The following TRANK1 variants were observed in gnomAD, a reference collection of about 807,000 sequenced individuals.
The protein encoded by TRANK1 is TPR and ankyrin repeat-containing protein 1.
In TRANK1, 198 loss-of-function variants were observed where a neutral mutation model predicts 266.0. The ratio of observed to expected loss-of-function variants is 0.74; its 90% CI spans 0.66 to 0.84. The LOEUF (loss-of-function observed/expected upper bound fraction) is 0.84. Ranked by LOEUF, TRANK1 falls within the 40% of genes least tolerant of loss-of-function variation. TRANK1 has a pLI of 0.00. For missense variants in TRANK1, 3,326 were observed against 3,634.6 expected (o/e 0.92, Z 2.18); for synonymous variants, 1,396 against 1,384.1 (o/e 1.01, Z -0.19).
At chr3:36,843,450 C>T (rs530357426) in intron 17 of TRANK1, among the ~76,000 whole-genome samples, 7 of 152,288 alleles carry the variant, frequency 4.6e-5, no homozygotes, top group Admixed American at 4.6e-4. Flanking sequence ...AATGTGCAAA[C>T]TTTGCCCTCA....
In TRANK1 at chr3:36,831,089, C is replaced by T. The variant is rs776684821; in HGVS notation, c.8494G>A (p.Val2832Met). ...IHLEHHQRQQ[V>M]AYQKYSEFFH... is the part of the protein sequence containing the mutation. ...AATTCTGAGTATTTCTGGTAGGCCACTTGCTGCCTCTGGTGGTGTTCTAGA... is the reference window on the plus strand; with the variant it reads ...AATTCTGAGTATTTCTGGTAGGCCATTTGCTGCCTCTGGTGGTGTTCTAGA... The change falls in exon 22 of 24, where the codon GTG becomes ATG. Residue 2832 changes from valine to methionine, a missense_variant. Physicochemically the swap from Val to Met is conservative, Grantham distance 21. Coordinates refer to ENST00000645898, the MANE Select transcript of TRANK1 (RefSeq NM_001329998.2). This position sits in a 1 kb window ranked among gnomAD's most constrained non-coding sequence, Gnocchi z 5.0. 2.5e-6 allele frequency: 4 copies of T among 1,613,884 alleles called. No homozygotes were observed. Among genetic ancestry groups the T allele is most frequent in the East Asian group, 2.2e-5 (1 of 44,886 alleles).
chr3:36,919,595 T>A (rs1291618330), intron 1 of TRANK1, among the ~76,000 whole-genome samples: 3 of 152,256 alleles, frequency 2.0e-5, no homozygotes, highest in Non-Finnish European at 4.4e-5. Context: ...ATCCTGTATA[T>A]GTCTTTCAGT....
At position 36,830,977 on chromosome 3, in the gene TRANK1, A is replaced by G. The variant is rs1367685255; in HGVS notation, c.8606T>C (p.Val2869Ala). ...IEQSVWIHSH[V>A]GSKEHSHMLQ... The stretch of plus-strand genomic sequence containing the variant: ...CATGTGGCTGTGCTCCTTGGAGCCC[A>G]CGTGACTGTGGATCCATACACTTTG... The change falls in exon 22 of 24, where the codon GTG becomes GCG. Residue 2869 changes from valine to alanine, a missense_variant. By Grantham distance (64) the Val-to-Ala change is moderately conservative (BLOSUM62 0). Coordinates refer to ENST00000645898, the MANE Select transcript of TRANK1 (RefSeq NM_001329998.2). 4 of 1,613,880 alleles carry G rather than the reference A, an allele frequency of 2.5e-6. 1 individual carries two copies. In the Admixed American group the frequency reaches 6.7e-5, roughly 27 times the overall value.
intron 1 of TRANK1, among the ~76,000 whole-genome samples, chr3:36,927,871 T>C (rs2080309739): frequency 1.3e-5 from 2 of 152,340 alleles, no homozygotes; most frequent in East Asian, 1.9e-4. Context: ...GTTGGGTATG[T>C]CCATGCTCCA....
chr3:36,908,752 G>A (rs1337248857), intron 1 of TRANK1, among the ~76,000 whole-genome samples: 9 of 152,226 alleles, frequency 5.9e-5, no homozygotes, highest in Admixed American at 5.2e-4. Flanking sequence ...CTGGCAGGTA[G>A]TGAGTGCTAT....
At chr3:36,861,243 T>G in intron 10 of TRANK1, 83 bp from the exon 11 acceptor site, 3 of 1,437,036 alleles carry the variant, frequency 2.1e-6, no homozygotes, top group Non-Finnish European at 2.8e-6. Flanking sequence ...AACATCCATA[T>G]ATAATTAACA....
chr3:36,851,730 T>C lies in TRANK1; in HGVS notation c.4876A>G (p.Thr1626Ala), dbSNP rs746554474. 3.1e-6 allele frequency: 5 copies of C among 1,611,916 alleles called. No homozygotes were observed. The highest frequency in any genetic ancestry group is 4.2e-6 in the Non-Finnish European group (5 of 1,179,324). ...FDDVLLYNFF[T>A]DSEAYKEWKI... is the part of the protein sequence containing the mutation. ...TAGGTGTGACATACCTCAGAATCAG[T>C]AAAAAAGTTGTAAAGGAGGACATCA... The change falls in exon 15 of 24, where the codon ACT becomes GCT. Residue 1626 changes from threonine (T) to alanine (A), a missense_variant. Thr to Ala is a moderately conservative substitution (Grantham distance 58). Coordinates refer to ENST00000645898, the MANE Select transcript of TRANK1 (RefSeq NM_001329998.2).
intron 15 of TRANK1, 174 bp downstream of exon 15, chr3:36,851,545 G>T: frequency 8.2e-7 from 1 of 1,213,236 alleles, no homozygotes; most frequent in Non-Finnish European, 1.1e-6. Flanking sequence ...CACAGCTAAT[G>T]TCAAAACCCA....
intron 3 of TRANK1, among the ~76,000 whole-genome samples, chr3:36,902,380 G>A (rs2079896246): frequency 6.6e-6 from 1 of 152,182 alleles, no homozygotes. Context: ...CACATTATGT[G>A]TTGCTTCAGA....
chr3:36,834,681 G>C (rs986964601), intron 21 of TRANK1, 81 bp downstream of exon 21: 37 of 1,505,524 alleles, frequency 2.5e-5, no homozygotes, highest in Non-Finnish European at 3.3e-5. Flanking sequence ...GAAGCAGCAG[G>C]ATAGCACCAC....
chr3:36,903,234 G>A lies in TRANK1; in HGVS notation c.197C>T (p.Ser66Leu). Residue 66 changes from serine to leucine, a missense_variant, in exon 3 of 24, where the codon TCA becomes TTA. By Grantham distance (145) the Ser-to-Leu change is moderately radical (BLOSUM62 -2). Transcript: ENST00000645898. ...RDLAVLLCNK[S>L]NAFFSLGKWN... ...CTTCCCAAGGCTGAAAAATGCATTTGATTTGTTGCACAGCAGCACAGCCAA... is the reference window on the plus strand; with the variant it reads ...CTTCCCAAGGCTGAAAAATGCATTTAATTTGTTGCACAGCAGCACAGCCAA... The A allele has an allele frequency of 6.5e-7, 1 of 1,537,318 alleles. No individual in the cohort carries two copies. The highest frequency in any genetic ancestry group is 8.7e-7 in the Non-Finnish European group (1 of 1,146,938).
chr3:36,875,387 G>C (rs1015790578), intron 8 of TRANK1, among the ~76,000 whole-genome samples: 2 of 152,186 alleles, frequency 1.3e-5, no homozygotes, highest in African/African-American at 4.8e-5. Context: ...GTCAAGAGCA[G>C]CCTCTGGCTA....
intron 17 of TRANK1, 130 bp from the exon 18 acceptor site, chr3:36,842,840 T>G: frequency 5.1e-6 from 4 of 784,170 alleles, no homozygotes; most frequent in Non-Finnish European, 6.4e-6. Flanking sequence ...TCCCGGTACC[T>G]CAGAATGTGG....
In TRANK1 at chr3:36,851,015, A is replaced by T. The variant is rs913082121; in HGVS notation, c.4887+704T>A. ...CAAAAGATAGTGGGAAAGAGAAAAC[A>T]GTGGCTAGAAAACCCAGGACAACGG... On this transcript the variant is annotated intron_variant, in intron 15 of 23. Coordinates refer to ENST00000645898, the MANE Select transcript of TRANK1 (RefSeq NM_001329998.2). The T allele has an allele frequency of 4.1e-6, 4 of 985,478 alleles. No individual in the cohort carries two copies. In the East Asian group the frequency reaches 4.5e-4, roughly 112 times the overall value. The allele number at this position is 985,478 out of a possible 1,614,324, so 61.0% of individuals were successfully genotyped here. A position where few individuals can be genotyped will look rare whatever the true frequency, so the allele number is the denominator to read the frequency against.
At chr3:36,898,007 C>A (rs1406347688) in intron 4 of TRANK1, among the ~76,000 whole-genome samples, 1 of 152,194 alleles carries the variant, frequency 6.6e-6, no homozygotes. Flanking sequence ...CACTTGGGTC[C>A]TCCGCTGATT....
At chr3:36,876,358 G>A (rs1394828834) in intron 8 of TRANK1, among the ~76,000 whole-genome samples, 6 of 152,222 alleles carry the variant, frequency 3.9e-5, no homozygotes, top group Admixed American at 2.6e-4. Context: ...CTCTTCCAGA[G>A]GCTAAATCCT....
rs955594737 is a variant in TRANK1 at position 36,830,804 on chromosome 3, T to C, written c.8710+69A>G. On this transcript the variant is annotated intron_variant, in intron 22 of 23. Coordinates refer to ENST00000645898, the MANE Select transcript of TRANK1 (RefSeq NM_001329998.2). ...AAGTCAGAAGCCACGACAAGGAATT[T>C]AACCCTGAGAAATGTCCTCAGAGCC... 18 of 1,484,790 alleles carry C rather than the reference T, an allele frequency of 1.2e-5. No individual in the cohort carries two copies. The African/African-American group carries it at 2.3e-4, about 19-fold the overall frequency. 92.0% of individuals were successfully genotyped at this position (1,484,790 alleles called of 1,614,324 possible).
At chr3:36,908,834 G>A (rs1218324397) in intron 1 of TRANK1, among the ~76,000 whole-genome samples, 2 of 152,168 alleles carry the variant, frequency 1.3e-5, no homozygotes, top group African/African-American at 4.8e-5. Flanking sequence ...TGTCCCCACT[G>A]TTCAGATGAG....
intron 9 of TRANK1, among the ~76,000 whole-genome samples, chr3:36,870,413 A>C (rs2079289588): frequency 7.5e-6 from 1 of 133,102 alleles, no homozygotes; most frequent in Non-Finnish European, 1.6e-5. Context: ...GTTTCAAAAA[A>C]AAAAAAAAGA....
Sources: gnomAD v4.1 joint callset for allele counts (sites outside exome capture counted in the v4.1 genomes callset) on GRCh38, gnomAD v4.1.1 for gene constraint, Gnocchi (gnomAD v3.1) non-coding constraint, MANE v1.5 for transcripts, NCBI Gene and HGNC (gene_info 2026-07-23, HGNC 2026-07-21) for gene names.